Variants in ULK2 observed in about 807,000 individuals in gnomAD.
ULK2 encodes serine/threonine-protein kinase ULK2.
A neutral mutation model predicts 127.5 loss-of-function variants in ULK2; 76 were observed. The observed-to-expected ratio is 0.60, with a 90% CI of 0.50 to 0.72. The LOEUF is 0.72. Among genes scored for constraint, ULK2 ranks in the 30% least tolerant of loss-of-function variants. The pLI, the probability that ULK2 is intolerant of heterozygous loss-of-function variation, is 0.00. For synonymous variants in ULK2, 452 were observed against 461.9 expected, an observed-to-expected ratio of 0.98 and a Z score of 0.28; for missense variants, 1,144 against 1,295.9, an observed-to-expected ratio of 0.88 and a Z score of 1.80.
intron 3 of ULK2, among the ~76,000 whole-genome samples, chr17:19,850,849 A>G (rs2051803556): frequency 6.6e-6 from 1 of 151,888 alleles, no homozygotes; most frequent in African/African-American, 2.4e-5. Flanking sequence ...ATATATAGAT[A>G]GGTCTAGATC....
chr17:19,789,384 G>A (rs1387269715), intron 20 of ULK2, among the ~76,000 whole-genome samples: 2 of 152,198 alleles, frequency 1.3e-5, no homozygotes, highest in African/African-American at 4.8e-5. Flanking sequence ...TGGGCTTGGA[G>A]CCCAAGTCCC....
At chr17:19,824,681 G>C (rs1196595133) in intron 12 of ULK2, among the ~76,000 whole-genome samples, 2 of 152,032 alleles carry the variant, frequency 1.3e-5, no homozygotes, top group African/African-American at 2.4e-5. Context: ...CTGGCTCAGA[G>C]GTGACTCCTC....
At chr17:19,835,315 C>T (rs915009406) in intron 10 of ULK2, among the ~76,000 whole-genome samples, 1 of 151,012 alleles carries the variant, frequency 6.6e-6, no homozygotes, top group Non-Finnish European at 1.5e-5. Context: ...CTCCTGACCT[C>T]GTGATCTGCC....
chr17:19,862,981 A>C (rs1330279981), intron 3 of ULK2, among the ~76,000 whole-genome samples: 1 of 152,140 alleles, frequency 6.6e-6, no homozygotes, highest in East Asian at 1.9e-4. Context: ...TGGGAGGCAG[A>C]GGCAGGAGGA....
intron 7 of ULK2, among the ~76,000 whole-genome samples, chr17:19,843,986 A>G (rs567003772): frequency 1.3e-5 from 2 of 152,128 alleles, no homozygotes; most frequent in Non-Finnish European, 2.9e-5. Context: ...AACAAGATCA[A>G]GACAAACATG....
chr17:19,863,165 A>G (rs1162595345), intron 3 of ULK2, among the ~76,000 whole-genome samples: 1 of 152,062 alleles, frequency 6.6e-6, no homozygotes, highest in African/African-American at 2.4e-5. Flanking sequence ...CAGTGAGCCA[A>G]GCTCACACCA....
At chr17:19,828,262 G>C (rs929388388) in intron 10 of ULK2, among the ~76,000 whole-genome samples, 3 of 152,208 alleles carry the variant, frequency 2.0e-5, no homozygotes, top group Non-Finnish European at 4.4e-5. Context: ...AAATGCTAAA[G>C]AGAGTACTTC....
At chr17:19,837,254 C>CA (rs796231341) in intron 10 of ULK2, among the ~76,000 whole-genome samples, 2 of 151,254 alleles carry the variant, frequency 1.3e-5, no homozygotes, top group Non-Finnish European at 2.9e-5. Flanking sequence ...CCTGTCTCTA[C>CA]AAAAAAAATA....
chr17:19,794,286 T>G (rs1412407588), intron 20 of ULK2, among the ~76,000 whole-genome samples: 3 of 152,060 alleles, frequency 2.0e-5, no homozygotes, highest in African/African-American at 7.2e-5. Flanking sequence ...TTAAGAACAA[T>G]GAGCCAACTA....
intron 23 of ULK2, 43 bp from the exon 24 acceptor site, chr17:19,781,147 A>C: frequency 6.4e-7 from 1 of 1,569,644 alleles, no homozygotes; most frequent in Non-Finnish European, 8.7e-7. Context: ...TTGTGAACTA[A>C]TGTAAGATGT....
intron 14 of ULK2, among the ~76,000 whole-genome samples, chr17:19,809,035 G>A (rs1363562091): frequency 6.6e-6 from 1 of 152,054 alleles, no homozygotes; most frequent in Non-Finnish European, 1.5e-5. Context: ...GTTCACCAAT[G>A]GATTAATGGA....
chr17:19,856,223 C>A (rs1172153315), intron 3 of ULK2: 2 of 152,182 alleles, frequency 1.3e-5, no homozygotes, highest in African/African-American at 4.8e-5. Flanking sequence ...TTACTTCTGA[C>A]TCTTCCCAAA....
intron 3 of ULK2, among the ~76,000 whole-genome samples, chr17:19,852,367 A>G (rs2042036047): frequency 6.7e-6 from 1 of 148,490 alleles, no homozygotes; most frequent in African/African-American, 2.5e-5. Flanking sequence ...TAAAAATACA[A>G]AAAGTTAGCT....
In ULK2 at chr17:19,850,526, A is replaced by T. The variant is rs2041990009; in HGVS notation, c.226-752T>A. ...TTAACTTGAGCCAGTGTGCAAATGT[A>T]ATTCAAAATATAGCTTTTGGCCAGG... On this transcript the variant is annotated intron_variant, in intron 3 of 26. Coordinates refer to ENST00000395544, the MANE Select transcript of ULK2 (RefSeq NM_014683.4). Among the ~76,000 whole-genome samples, 8 of 152,152 alleles carry T rather than the reference A, an allele frequency of 5.3e-5. No homozygotes were observed. In the South Asian group the frequency reaches 1.7e-3, roughly 32 times the overall value.
In ULK2 at chr17:19,867,313, C is replaced by G; in HGVS notation, c.90+15G>C. The G allele has an allele frequency of 6.4e-7, 1 of 1,562,418 alleles. No homozygotes were observed. Among genetic ancestry groups the G allele is most frequent in the Non-Finnish European group, 8.6e-7 (1 of 1,157,294 alleles). ...CTGCCGCCCGGGGCCCGGCCTCGCC[C>G]CGGCCGGCGCTCACCTGGCGGTGCC... On this transcript the variant is annotated intron_variant, in intron 1 of 26. Transcript: ENST00000395544.
chr17:19,816,487 T>C, intron 13 of ULK2: 1 of 243,670 alleles, frequency 4.1e-6, no homozygotes, highest in Non-Finnish European at 7.8e-6. Flanking sequence ...CTCTATTTCT[T>C]TCTGTTTGGA....
chr17:19,782,439 T>C (rs576221814), intron 22 of ULK2, among the ~76,000 whole-genome samples: 1 of 152,358 alleles, frequency 6.6e-6, no homozygotes, highest in East Asian at 1.9e-4. Flanking sequence ...ATCACACTTC[T>C]TGATACTGTA....
At chr17:19,833,095 C>A (rs538442110) in intron 10 of ULK2, among the ~76,000 whole-genome samples, 2 of 144,248 alleles carry the variant, frequency 1.4e-5, no homozygotes, top group Admixed American at 1.4e-4. Flanking sequence ...TGCACTCCAG[C>A]CTGGGCGACA....
rs1473377324 is a variant in ULK2 at position 19,774,812 on chromosome 17, A to G, written c.*1537T>C. 1 of 152,688 alleles carries G rather than the reference A, an allele frequency of 6.5e-6. No homozygotes were observed. Among genetic ancestry groups the G allele is most frequent in the Non-Finnish European group, 1.5e-5 (1 of 68,048 alleles). 9.5% of individuals were successfully genotyped at this position (152,688 alleles called of 1,614,324 possible). On this transcript the variant is annotated 3_prime_UTR_variant, in exon 27 of 27. Transcript: ENST00000395544. Reference sequence around the variant, plus strand: ...CAGGCAATAATAAAAAGGCTATTACACAACAATTCAGTGAGTTTTACCTAG... The same window carrying G: ...CAGGCAATAATAAAAAGGCTATTACGCAACAATTCAGTGAGTTTTACCTAG...
Sources: gnomAD v4.1 joint callset for allele counts (sites outside exome capture counted in the v4.1 genomes callset) on GRCh38, gnomAD v4.1.1 for gene constraint, MANE v1.5 for transcripts, NCBI Gene and HGNC (gene_info 2026-07-23, HGNC 2026-07-21) for gene names.